Variants in HPCAL1 observed in about 807,000 individuals in gnomAD.
The protein encoded by HPCAL1 is hippocalcin-like protein 1.
Under a neutral mutation model 17.1 loss-of-function variants are expected in HPCAL1, and 8 were observed. The ratio of observed to expected loss-of-function variants is 0.47; its 90% CI spans 0.27 to 0.84. The LOEUF is 0.84. Ranked by LOEUF, HPCAL1 falls within the 40% of genes least tolerant of loss-of-function variation. The pLI is 0.13. For missense variants in HPCAL1, 165 were observed against 271.1 expected, an observed-to-expected ratio of 0.61 and a Z score of 2.75; for synonymous variants, 112 against 111.4, an observed-to-expected ratio of 1.01 and a Z score of -0.03.
In HPCAL1 at chr2:10,339,022, T is replaced by C. The variant is rs181982835; in HGVS notation, c.-111+35845T>C. On this transcript the variant is annotated intron_variant, in intron 1 of 4. Coordinates refer to ENST00000307845, the MANE Select transcript of HPCAL1 (RefSeq NM_002149.4). ...GAGATGGAGGGATGTGTGGCTGCCA[T>C]GTGTTTGCCAGGAAGCAGCAGGATG... Among the ~76,000 whole-genome samples, 197 of 152,260 alleles carry C rather than the reference T, an allele frequency of 1.3e-3. 1 individual carries two copies. Among genetic ancestry groups the C allele is most frequent in the African/African-American group, 4.6e-3 (190 of 41,544 alleles).
intron 1 of HPCAL1, among the ~76,000 whole-genome samples, chr2:10,332,991 G>A (rs1417209276): frequency 6.6e-6 from 1 of 152,026 alleles, no homozygotes; most frequent in South Asian, 2.1e-4. Flanking sequence ...GGAGGGGCAG[G>A]GTGGGTCTTT....
chr2:10,337,934 A>G (rs1664820051), intron 1 of HPCAL1, among the ~76,000 whole-genome samples: 1 of 152,148 alleles, frequency 6.6e-6, no homozygotes, highest in Non-Finnish European at 1.5e-5. Flanking sequence ...GTCTGTATTT[A>G]GGTATCACTG....
At chr2:10,351,321 C>T (rs537049244) in intron 1 of HPCAL1, among the ~76,000 whole-genome samples, 39 of 152,288 alleles carry the variant, frequency 2.6e-4, no homozygotes, top group Non-Finnish European at 4.6e-4. Flanking sequence ...ACATATAATA[C>T]GATTCCATCT....
chr2:10,427,174 G>A lies in HPCAL1; in HGVS notation c.*353G>A, dbSNP rs1006596746. 3.9e-5 allele frequency: 10 copies of A among 253,546 alleles called. No homozygotes were observed. The highest frequency in any genetic ancestry group is 1.0e-4 in the East Asian group (1 of 9,708). 15.7% of individuals were successfully genotyped at this position (253,546 alleles called of 1,614,324 possible). On this transcript the variant is annotated 3_prime_UTR_variant, in exon 5 of 5. Coordinates refer to ENST00000307845, the MANE Select transcript of HPCAL1 (RefSeq NM_002149.4). ...AGGCTGCGCCCCGGCCGGCCCATGC[G>A]TTTTGTGATCCCAAGTGACTCTGTG...
At chr2:10,316,001 G>T (rs1475796536) in intron 1 of HPCAL1, among the ~76,000 whole-genome samples, 5 of 152,016 alleles carry the variant, frequency 3.3e-5, no homozygotes, top group African/African-American at 9.7e-5. Flanking sequence ...AGTGAGACTT[G>T]CTCTCAAAAA....
chr2:10,376,871 C>T (rs1454205653), intron 1 of HPCAL1, among the ~76,000 whole-genome samples: 2 of 123,658 alleles, frequency 1.6e-5, no homozygotes, highest in African/African-American at 8.0e-5. Context: ...CAATACATAG[C>T]GTATTGTATT....
chr2:10,310,622 G>T lies in HPCAL1; in HGVS notation c.-111+7445G>T, dbSNP rs962985463. Among the ~76,000 whole-genome samples the T allele has an allele frequency of 6.6e-6, 1 of 152,268 alleles. No homozygotes were observed. The highest frequency in any genetic ancestry group is 2.1e-4 in the South Asian group (1 of 4,828). ...ACCTACAGAGACCCTGAGCTTGGTG[G>T]TGGGGGTTGCACAGAGAGAGCTGCA... On this transcript the variant is annotated intron_variant, in intron 1 of 4. Transcript: ENST00000307845. This position sits in a 1 kb window ranked among gnomAD's most constrained non-coding sequence, Gnocchi z 4.5.
At chr2:10,311,249 C>G (rs1173294290) in intron 1 of HPCAL1, among the ~76,000 whole-genome samples, 1 of 152,050 alleles carries the variant, frequency 6.6e-6, no homozygotes, top group Admixed American at 6.5e-5. Context: ...GGTGATGCAG[C>G]CTGGATGCCT....
chr2:10,334,968 G>C (rs1664629871), intron 1 of HPCAL1, among the ~76,000 whole-genome samples: 1 of 152,242 alleles, frequency 6.6e-6, no homozygotes, highest in Non-Finnish European at 1.5e-5. Flanking sequence ...GTGAGCCACT[G>C]TGCCAGCCCC....
intron 1 of HPCAL1, among the ~76,000 whole-genome samples, chr2:10,305,204 C>T (rs1207336716): frequency 6.6e-6 from 1 of 151,964 alleles, no homozygotes; most frequent in African/African-American, 2.4e-5. Context: ...CCTACTCTTT[C>T]CTCATAATCA....
chr2:10,342,039 G>A lies in HPCAL1; in HGVS notation c.-111+38862G>A, dbSNP rs1174744635. Among the ~76,000 whole-genome samples the A allele has an allele frequency of 1.3e-5, 2 of 150,668 alleles. No individual in the cohort carries two copies. The highest frequency in any genetic ancestry group is 3.0e-5 in the Non-Finnish European group (2 of 67,786). ...TAAATTAGCCAGATGTGGTGGTGGT[G>A]TGCTCCTGTAGTCCCAGCTACTTGG... On this transcript the variant is annotated intron_variant, in intron 1 of 4. Transcript: ENST00000307845. This position sits in a 1 kb window ranked among gnomAD's most constrained non-coding sequence, Gnocchi z 4.1.
chr2:10,353,105 T>C (rs1665928610), intron 1 of HPCAL1, among the ~76,000 whole-genome samples: 1 of 152,106 alleles, frequency 6.6e-6, no homozygotes, highest in African/African-American at 2.4e-5. Flanking sequence ...GCCGATGCAG[T>C]TCTCATTTCT....
chr2:10,397,759 G>A (rs893299094), intron 2 of HPCAL1, among the ~76,000 whole-genome samples: 2 of 152,168 alleles, frequency 1.3e-5, no homozygotes, highest in Non-Finnish European at 2.9e-5. Flanking sequence ...GCCATGTCCC[G>A]GGGCTGCCCT....
chr2:10,304,947 A>T lies in HPCAL1; in HGVS notation c.-111+1770A>T, dbSNP rs141368302. Among the ~76,000 whole-genome samples, 105 of 152,292 alleles carry T rather than the reference A, an allele frequency of 6.9e-4. No homozygotes were observed. Among genetic ancestry groups the T allele is most frequent in the African/African-American group, 2.4e-3 (99 of 41,572 alleles). On this transcript the variant is annotated intron_variant, in intron 1 of 4. Coordinates refer to ENST00000307845, the MANE Select transcript of HPCAL1 (RefSeq NM_002149.4). This position sits in a 1 kb window ranked among gnomAD's most constrained non-coding sequence, Gnocchi z 4.1. ...TCAGGGGCTACGTGATGGTGTTCCC[A>T]GAGAGGCGGGCTGCTTTGCGGGCTT...
At chr2:10,426,393 A>G (rs1671409429) in intron 4 of HPCAL1, 1 of 262,328 alleles carries the variant, frequency 3.8e-6, no homozygotes, top group Non-Finnish European at 7.5e-6. Flanking sequence ...CAAATGCTTC[A>G]TTTTTCTGCA....
chr2:10,345,736 C>G (rs1665395020), intron 1 of HPCAL1, among the ~76,000 whole-genome samples: 1 of 152,174 alleles, frequency 6.6e-6, no homozygotes, highest in African/African-American at 2.4e-5. Context: ...GGATTATAGG[C>G]ATAAGCCACT....
chr2:10,347,827 A>G lies in HPCAL1; in HGVS notation c.-111+44650A>G, dbSNP rs1665567620. 1.3e-5 allele frequency among the ~76,000 whole-genome samples: 2 copies of G among 152,158 alleles called. 1 individual carries two copies. The highest frequency in any genetic ancestry group is 4.1e-4 in the South Asian group (2 of 4,832). On this transcript the variant is annotated intron_variant, in intron 1 of 4. Coordinates refer to ENST00000307845, the MANE Select transcript of HPCAL1 (RefSeq NM_002149.4). ...CCAAACCCTTCACTTCTGTGTCCTCATTAATTCAGACAAGGTTGGGTTTAG... is the reference window on the plus strand; with the variant it reads ...CCAAACCCTTCACTTCTGTGTCCTCGTTAATTCAGACAAGGTTGGGTTTAG...
In HPCAL1 at chr2:10,427,050, G is replaced by A. The variant is rs1671459552; in HGVS notation, c.*229G>A. 1.8e-6 allele frequency: 1 copy of A among 551,226 alleles called. No homozygotes were observed. The highest frequency in any genetic ancestry group is 4.9e-4 in the Middle Eastern group (1 of 2,054). 34.1% of individuals were successfully genotyped at this position (551,226 alleles called of 1,614,324 possible). Reference sequence around the variant, plus strand: ...CCCTTCCAGGGCAACTCCCAGGGATGTGGTGACATGCAGGGTTCAAGTGTT... The same window carrying A: ...CCCTTCCAGGGCAACTCCCAGGGATATGGTGACATGCAGGGTTCAAGTGTT... On this transcript the variant is annotated 3_prime_UTR_variant, in exon 5 of 5. Coordinates refer to ENST00000307845, the MANE Select transcript of HPCAL1 (RefSeq NM_002149.4).
rs891208524 is a variant in HPCAL1 at position 10,395,990 on chromosome 2, G to A, written c.-110-845G>A. ...GAGGAGGAGTCACCAATCCATGCCCGGGGAGCAGGCAGAGAAGAGGGAGGC... is the reference window on the plus strand; with the variant it reads ...GAGGAGGAGTCACCAATCCATGCCCAGGGAGCAGGCAGAGAAGAGGGAGGC... On this transcript the variant is annotated intron_variant, in intron 1 of 4. Transcript: ENST00000307845. This position sits in a 1 kb window ranked among gnomAD's most constrained non-coding sequence, Gnocchi z 4.4. Among the ~76,000 whole-genome samples, 1 of 152,178 alleles carries A rather than the reference G, an allele frequency of 6.6e-6. No individual in the cohort carries two copies. Among genetic ancestry groups the A allele is most frequent in the Non-Finnish European group, 1.5e-5 (1 of 68,028 alleles).
Sources: gnomAD v4.1 joint callset for allele counts (sites outside exome capture counted in the v4.1 genomes callset) on GRCh38, gnomAD v4.1.1 for gene constraint, Gnocchi (gnomAD v3.1) non-coding constraint, MANE v1.5 for transcripts, NCBI Gene and HGNC (gene_info 2026-07-23, HGNC 2026-07-21) for gene names.